The following FHOD3 variants were observed in gnomAD, a reference collection of about 807,000 sequenced individuals.
The protein encoded by FHOD3 is formin homology 2 domain containing 3.
FHOD3 carries 90 observed loss-of-function variants against 173.0 expected under a neutral mutation model. The ratio of observed to expected loss-of-function variants is 0.52; its 90% CI spans 0.44 to 0.62. The LOEUF (loss-of-function observed/expected upper bound fraction) is 0.62, where lower values mean the gene tolerates loss of function less well. FHOD3 is among the 20% of genes least tolerant of loss of function. The pLI, the probability that FHOD3 is intolerant of heterozygous loss-of-function variation, is 0.00. For synonymous variants in FHOD3, 828 were observed against 823.0 expected (o/e 1.01, Z -0.10); for missense variants, 1,945 against 2,034.7 (o/e 0.96, Z 0.85).
chr18:36,523,713 A>G (rs189631919), intron 5 of FHOD3, among the ~76,000 whole-genome samples: 1 of 152,316 alleles, frequency 6.6e-6, no homozygotes, highest in East Asian at 1.9e-4. Context: ...TGGGGCTGCT[A>G]GGCTTGGGGT....
chr18:36,747,753 G>A (rs770967379), intron 24 of FHOD3, among the ~76,000 whole-genome samples: 1 of 152,222 alleles, frequency 6.6e-6, no homozygotes, highest in Non-Finnish European at 1.5e-5. Flanking sequence ...GTCCAGGGCC[G>A]TGCCACCAGA....
At position 36,613,836 on chromosome 18, in the gene FHOD3, G is replaced by C. The variant is rs117088898; in HGVS notation, c.957+1741G>C. On this transcript the variant is annotated intron_variant, in intron 9 of 28. Coordinates refer to ENST00000590592, the MANE Select transcript of FHOD3 (RefSeq NM_001281740.3). ...TTACAAGTGTCCACCATCATGACCA[G>C]CTAATTTTTATATTTTAGTAGAGAC... Among the ~76,000 whole-genome samples the C allele has an allele frequency of 3.3e-3, 506 of 152,146 alleles. 22 individuals carry two copies. In the East Asian group the frequency reaches 0.089, roughly 27 times the overall value.
chr18:36,407,153 C>T (rs1020556517), intron 3 of FHOD3, among the ~76,000 whole-genome samples: 1 of 152,204 alleles, frequency 6.6e-6, no homozygotes, highest in Admixed American at 6.5e-5. Flanking sequence ...GTTCCCCTTT[C>T]CCCACCACAT....
chr18:36,404,466 G>A (rs2048967929), intron 3 of FHOD3, among the ~76,000 whole-genome samples: 1 of 152,220 alleles, frequency 6.6e-6, no homozygotes, highest in African/African-American at 2.4e-5. Context: ...CCTAAAAGGA[G>A]GCAAGTTGTT....
intron 10 of FHOD3, among the ~76,000 whole-genome samples, 191 bp downstream of exon 10, chr18:36,625,940 A>G (rs764387248): frequency 1.3e-5 from 2 of 152,078 alleles, no homozygotes; most frequent in Non-Finnish European, 2.9e-5. Flanking sequence ...GCCCCTGGCG[A>G]CTTTTACAGA....
chr18:36,367,544 G>A (rs1348550195), intron 2 of FHOD3, among the ~76,000 whole-genome samples: 3 of 152,166 alleles, frequency 2.0e-5, no homozygotes, highest in African/African-American at 4.8e-5. Flanking sequence ...AAAAGGAGTG[G>A]CAGCTGCAAA....
rs1454650149 is a variant in FHOD3, at chr18:36,652,877, G to A, written c.1594G>A (p.Asp532Asn). The change falls in exon 12 of 29, where the codon GAC becomes AAC. Residue 532 changes from aspartate (D) to asparagine (N), a missense_variant. This residue lies in a region of FHOD3 where 1,099 missense variants were observed against 1,051.2 expected (regional missense o/e 1.05). Coordinates refer to ENST00000590592, the MANE Select transcript of FHOD3 (RefSeq NM_001281740.3). ...CCACCTCTTCTCCTATGACTTTGAG[G>A]ACTCCTCCCTGTCCACCAAGGAGAA... ...PFHLFSYDFEDSSLSTKEKEA... is the reference protein window; with the variant it reads ...PFHLFSYDFENSSLSTKEKEA... The A allele has an allele frequency of 2.6e-6, 4 of 1,535,864 alleles. No individual in the cohort carries two copies. The highest frequency in any genetic ancestry group is 3.5e-6 in the Non-Finnish European group (4 of 1,146,688).
At chr18:36,688,719 G>A (rs1306753296) in intron 16 of FHOD3, among the ~76,000 whole-genome samples, 11 of 152,314 alleles carry the variant, frequency 7.2e-5, no homozygotes, top group Admixed American at 6.5e-4. Flanking sequence ...TGACTGTTAG[G>A]TTAAGTCCAC....
chr18:36,640,767 G>A (rs968805624), intron 10 of FHOD3, among the ~76,000 whole-genome samples: 1 of 151,874 alleles, frequency 6.6e-6, no homozygotes, highest in South Asian at 2.1e-4. Context: ...GGAGCTGTAC[G>A]CAGCCTTGTC....
At chr18:36,538,908 A>G (rs2057097043) in intron 5 of FHOD3, among the ~76,000 whole-genome samples, 1 of 152,206 alleles carries the variant, frequency 6.6e-6, no homozygotes, top group African/African-American at 2.4e-5. Flanking sequence ...CTATCCATGC[A>G]CATTTTACCA....
At chr18:36,677,146 A>G (rs937183716) in intron 14 of FHOD3, among the ~76,000 whole-genome samples, 3 of 151,928 alleles carry the variant, frequency 2.0e-5, no homozygotes, top group African/African-American at 7.3e-5. Flanking sequence ...ATTTGGTATA[A>G]GGTGGGACTA....
At chr18:36,511,235 T>A (rs1324292112) in intron 4 of FHOD3, among the ~76,000 whole-genome samples, 1 of 152,150 alleles carries the variant, frequency 6.6e-6, no homozygotes, top group Non-Finnish European at 1.5e-5. Flanking sequence ...CAAGGCACTG[T>A]CCAATTGAGG....
At chr18:36,639,587 C>G (rs1376982749) in intron 10 of FHOD3, among the ~76,000 whole-genome samples, 1 of 147,136 alleles carries the variant, frequency 6.8e-6, no homozygotes, top group South Asian at 2.2e-4. Context: ...GGCGTGAACC[C>G]GGGAGGCAGA....
At chr18:36,577,154 G>A (rs1358723627) in intron 6 of FHOD3, among the ~76,000 whole-genome samples, 5 of 151,734 alleles carry the variant, frequency 3.3e-5, no homozygotes, top group African/African-American at 7.3e-5. Context: ...TTTCATGTTC[G>A]TGTGTACATA....
At chr18:36,415,358 TAGG>T (rs773120401) in intron 3 of FHOD3, among the ~76,000 whole-genome samples, 1 of 152,122 alleles carries the variant, frequency 6.6e-6, no homozygotes, top group Non-Finnish European at 1.5e-5. Flanking sequence ...AAAATTGACT[TAGG>T]AGGGAGCAGT....
intron 3 of FHOD3, among the ~76,000 whole-genome samples, chr18:36,386,127 TCC>T (rs1003191566): frequency 6.6e-6 from 1 of 152,234 alleles, no homozygotes; most frequent in African/African-American, 2.4e-5. Context: ...TGTTTGTCTT[TCC>T]AACAAGAAAC....
intron 1 of FHOD3, among the ~76,000 whole-genome samples, chr18:36,309,985 A>C (rs573183559): frequency 9.2e-5 from 14 of 152,318 alleles, no homozygotes; most frequent in Non-Finnish European, 1.8e-4. Flanking sequence ...TGACCAATGC[A>C]CTGTAATCAC....
intron 17 of FHOD3, among the ~76,000 whole-genome samples, chr18:36,703,781 C>T (rs961896511): frequency 6.6e-6 from 1 of 152,186 alleles, no homozygotes; most frequent in African/African-American, 2.4e-5. Flanking sequence ...TTCCTCATTT[C>T]TCTCCTCATT....
At chr18:36,631,953 A>G (rs1287767977) in intron 10 of FHOD3, among the ~76,000 whole-genome samples, 2 of 152,202 alleles carry the variant, frequency 1.3e-5, no homozygotes, top group Non-Finnish European at 2.9e-5. Flanking sequence ...TCCAATATAT[A>G]GATATACCAT....
Sources: gnomAD v4.1 joint callset for allele counts (sites outside exome capture counted in the v4.1 genomes callset) on GRCh38, gnomAD v4.1.1 for gene constraint, gnomAD v4.1.1 regional missense constraint, MANE v1.5 for transcripts, NCBI Gene and HGNC (gene_info 2026-07-23, HGNC 2026-07-21) for gene names.